Variants in KIF6 observed in about 807,000 individuals in gnomAD.
The protein encoded by KIF6 is kinesin-like protein KIF6.
A neutral mutation model predicts 112.7 loss-of-function variants in KIF6; 106 were observed. That is an observed-to-expected ratio of 0.94 (90% CI 0.80 to 1.11). The LOEUF (loss-of-function observed/expected upper bound fraction) is 1.11. KIF6 is among the 50% of genes least tolerant of loss of function. The probability of loss-of-function intolerance (pLI) is 0.00; values close to 1 mark genes in which losing one functional copy is unlikely to be tolerated. For synonymous variants in KIF6, 339 were observed against 339.9 expected (o/e 1.00, Z 0.03); for missense variants, 929 against 964.0 (o/e 0.96, Z 0.48).
intron 15 of KIF6, among the ~76,000 whole-genome samples, chr6:39,409,944 A>G (rs904466858): frequency 6.6e-6 from 1 of 152,256 alleles, no homozygotes; most frequent in African/African-American, 2.4e-5. Flanking sequence ...TAATCAATAC[A>G]AGACAATAAA....
At chr6:39,532,363 A>G (rs1320105496) in intron 13 of KIF6, among the ~76,000 whole-genome samples, 1 of 152,218 alleles carries the variant, frequency 6.6e-6, no homozygotes, top group Non-Finnish European at 1.5e-5. Context: ...CACTATGCCT[A>G]GAACAAAGGA....
chr6:39,482,042 C>A (rs958707544), intron 13 of KIF6, among the ~76,000 whole-genome samples: 2 of 135,484 alleles, frequency 1.5e-5, no homozygotes, highest in Middle Eastern at 3.7e-3. Context: ...ACACACACAC[C>A]CCACTGGGAC....
intron 15 of KIF6, among the ~76,000 whole-genome samples, chr6:39,394,883 C>T (rs930756850): frequency 1.2e-4 from 18 of 152,288 alleles, no homozygotes; most frequent in Non-Finnish European, 2.2e-4. Flanking sequence ...AAAACATCAC[C>T]GGAACTTGTC....
At chr6:39,649,636 GATTA>G (rs1020094966) in intron 3 of KIF6, among the ~76,000 whole-genome samples, 7 of 151,934 alleles carry the variant, frequency 4.6e-5, no homozygotes, top group African/African-American at 1.5e-4. Flanking sequence ...GTTTACTTCA[GATTA>G]ATTGTTTGCC....
chr6:39,465,776 T>C (rs1357440671), intron 13 of KIF6, among the ~76,000 whole-genome samples: 1 of 152,226 alleles, frequency 6.6e-6, no homozygotes, highest in African/African-American at 2.4e-5. Flanking sequence ...GTGTTCTAAC[T>C]ACACTCAACT....
At chr6:39,566,330 T>G (rs187285299) in intron 10 of KIF6, among the ~76,000 whole-genome samples, 1 of 152,336 alleles carries the variant, frequency 6.6e-6, no homozygotes, top group Admixed American at 6.5e-5. Context: ...TTAAATAAAA[T>G]GTAATGTTTA....
At chr6:39,706,586 T>C (rs1561946808) in intron 3 of KIF6, among the ~76,000 whole-genome samples, 1 of 152,210 alleles carries the variant, frequency 6.6e-6, no homozygotes, top group Non-Finnish European at 1.5e-5. Flanking sequence ...GATTTAAGTA[T>C]AATTGTAAAG....
intron 13 of KIF6, among the ~76,000 whole-genome samples, chr6:39,486,046 G>C (rs1164610918): frequency 1.3e-5 from 2 of 152,206 alleles, no homozygotes; most frequent in Non-Finnish European, 2.9e-5. Flanking sequence ...AGGCAATGAA[G>C]AACAATGCTT....
At chr6:39,371,604 G>A (rs1240883440) in intron 16 of KIF6, among the ~76,000 whole-genome samples, 2 of 151,792 alleles carry the variant, frequency 1.3e-5, no homozygotes, top group African/African-American at 4.8e-5. Flanking sequence ...GGACAGCAAT[G>A]CTTCCTGCCT....
At chr6:39,481,488 T>C (rs139540411) in intron 13 of KIF6, among the ~76,000 whole-genome samples, 1 of 152,244 alleles carries the variant, frequency 6.6e-6, no homozygotes, top group African/African-American at 2.4e-5. Context: ...CCTTCAGGGA[T>C]GAATTACATA....
intron 22 of KIF6, among the ~76,000 whole-genome samples, chr6:39,340,439 A>T (rs1261395593): frequency 6.6e-6 from 1 of 152,106 alleles, no homozygotes; most frequent in Non-Finnish European, 1.5e-5. Context: ...TTTTCAAGAC[A>T]GTGTGGCCCA....
At chr6:39,392,856 G>C (rs1767993233) in intron 15 of KIF6, among the ~76,000 whole-genome samples, 1 of 152,186 alleles carries the variant, frequency 6.6e-6, no homozygotes, top group South Asian at 2.1e-4. Flanking sequence ...GGAGGCAAAT[G>C]GTAAAGAATG....
chr6:39,388,141 C>T (rs560637115), intron 15 of KIF6, among the ~76,000 whole-genome samples: 9 of 152,148 alleles, frequency 5.9e-5, no homozygotes, highest in African/African-American at 1.7e-4. Flanking sequence ...CCTGACAATG[C>T]GCCTCCTGAC....
At chr6:39,498,944 G>A (rs1428294556) in intron 13 of KIF6, among the ~76,000 whole-genome samples, 1 of 152,132 alleles carries the variant, frequency 6.6e-6, no homozygotes, top group Non-Finnish European at 1.5e-5. Flanking sequence ...TAGAAAAAGG[G>A]AAAAATATGT....
At chr6:39,613,166 G>A in intron 6 of KIF6, 23 bp downstream of exon 6, 1 of 1,544,576 alleles carries the variant, frequency 6.5e-7, no homozygotes. Context: ...TGAAGAAACA[G>A]CTTGCAGAGA....
At chr6:39,371,936 G>C (rs1766034030) in intron 16 of KIF6, among the ~76,000 whole-genome samples, 1 of 152,086 alleles carries the variant, frequency 6.6e-6, no homozygotes, top group African/African-American at 2.4e-5. Context: ...CCATTCAAGT[G>C]AGATTTTACC....
At chr6:39,661,660 C>G (rs761479342) in intron 3 of KIF6, among the ~76,000 whole-genome samples, 1 of 151,992 alleles carries the variant, frequency 6.6e-6, no homozygotes, top group South Asian at 2.1e-4. Flanking sequence ...AGAAGTAGGG[C>G]CATAGCAGAA....
chr6:39,685,677 G>A lies in KIF6; in HGVS notation c.251+29015C>T, dbSNP rs554279513. Among the ~76,000 whole-genome samples, 6 of 152,306 alleles carry A rather than the reference G, an allele frequency of 3.9e-5. No homozygotes were observed. The South Asian group carries it at 1.0e-3, about 26-fold the overall frequency. On this transcript the variant is annotated intron_variant, in intron 3 of 22. Transcript: ENST00000287152. ...ATAGAGATAGAGTAGGTGGATGATC[G>A]AGTTTAACCAGAGGGGAAATTTTGC...
At chr6:39,651,513 T>A (rs1785470551) in intron 3 of KIF6, among the ~76,000 whole-genome samples, 1 of 152,178 alleles carries the variant, frequency 6.6e-6, no homozygotes, top group African/African-American at 2.4e-5. Flanking sequence ...AGAGCCCACA[T>A]ACAATCTGAC....
Sources: allele counts gnomAD v4.1 joint callset (sites outside exome capture counted in the v4.1 genomes callset), GRCh38; gene constraint gnomAD v4.1.1; transcripts MANE v1.5; gene names NCBI Gene and HGNC (gene_info 2026-07-23, HGNC 2026-07-21).